The following CD83 variants were observed in gnomAD, a reference collection of about 807,000 sequenced individuals.
The protein encoded by CD83 is CD83 molecule.
Under a neutral mutation model 24.6 loss-of-function variants are expected in CD83, and 22 were observed. That is an observed-to-expected ratio of 0.90 (90% confidence interval 0.64 to 1.28). The LOEUF (loss-of-function observed/expected upper bound fraction) is 1.28. CD83 is among the 50% of genes most tolerant of loss of function. The pLI is 0.00. For missense variants in CD83, 253 were observed against 252.8 expected, an observed-to-expected ratio of 1.00 and a Z score of -0.01; for synonymous variants, 101 against 103.5, an observed-to-expected ratio of 0.98 and a Z score of 0.14.
Position 14,135,095 on chromosome 6 carries a change from C to A in CD83, c.490-13C>A. On this transcript the variant is annotated splice_polypyrimidine_tract_variant and intron_variant, in intron 4 of 4. Transcript: ENST00000379153. ...CCAATTATTCACTTCACATTTCTTT[C>A]ATTTCTTTTTAGAAGTTTGCACGGC... 6.2e-7 allele frequency: 1 copy of A among 1,613,146 alleles called. No homozygotes were observed. The highest frequency in any genetic ancestry group is 8.5e-7 in the Non-Finnish European group (1 of 1,179,558).
At chr6:14,132,577 T>C (rs962087658) in intron 3 of CD83, among the ~76,000 whole-genome samples, 3 of 152,174 alleles carry the variant, frequency 2.0e-5, no homozygotes, top group Admixed American at 1.3e-4. Flanking sequence ...ATCTCTAAAA[T>C]GGAAGTAACG....
At chr6:14,124,714 A>G (rs562441385) in intron 2 of CD83, among the ~76,000 whole-genome samples, 116 of 152,268 alleles carry the variant, frequency 7.6e-4, no homozygotes, top group Non-Finnish European at 1.2e-3. Context: ...AAGGAAATAT[A>G]TTGGCTTATA....
chr6:14,135,203 G>A lies in CD83; in HGVS notation c.585G>A (p.Gly195=). 1.2e-6 allele frequency: 2 copies of A among 1,614,102 alleles called. No homozygotes were observed. The highest frequency in any genetic ancestry group is 1.7e-6 in the Non-Finnish European group (2 of 1,179,980). Residue 195 remains glycine (G), a synonymous_variant, in exon 5 of 5, where the codon GGG becomes GGA. Coordinates refer to ENST00000379153, the MANE Select transcript of CD83 (RefSeq NM_004233.4). ...LPVTSPNKHL[G]LVTPHKTELV is the part of the protein sequence containing the mutation. ...TTACCTCCCCAAATAAGCATTTAGG[G>A]CTAGTGACTCCTCACAAGACAGAAC... is the stretch of plus-strand genomic sequence containing the variant.
In CD83 at chr6:14,129,230, G is replaced by A. The variant is rs142735263; in HGVS notation, c.154-2290G>A. On this transcript the variant is annotated intron_variant, in intron 2 of 4. Transcript: ENST00000379153. This position sits in a 1 kb window ranked among gnomAD's most constrained non-coding sequence, Gnocchi z 4.3. ...GAATGGGGACTGCAGGGACTGGGCC[G>A]AGCTAATTATTTCAAACTGGCCTTT... Among the ~76,000 whole-genome samples the A allele has an allele frequency of 2.0e-5, 3 of 152,194 alleles. No homozygotes were observed. The highest frequency in any genetic ancestry group is 1.9e-4 in the East Asian group (1 of 5,196).
intron 2 of CD83, among the ~76,000 whole-genome samples, chr6:14,126,706 C>T (rs1444801516): frequency 6.6e-6 from 1 of 152,146 alleles, no homozygotes; most frequent in Non-Finnish European, 1.5e-5. Context: ...CTGAGCCAAA[C>T]TATTTTGCAC....
Position 14,119,506 on chromosome 6 carries a change from A to G in CD83, c.153+1441A>G, listed in dbSNP as rs1348345654. Reference sequence around the variant, plus strand: ...GGACTTAGGGATTAGTACTGTTACTATTCCTACTTTACAGGTGAGGAAACT... The same window carrying G: ...GGACTTAGGGATTAGTACTGTTACTGTTCCTACTTTACAGGTGAGGAAACT... On this transcript the variant is annotated intron_variant, in intron 2 of 4. Coordinates refer to ENST00000379153, the MANE Select transcript of CD83 (RefSeq NM_004233.4). Among the ~76,000 whole-genome samples the G allele has an allele frequency of 3.3e-5, 5 of 152,336 alleles. No homozygotes were observed. The South Asian group carries it at 1.0e-3, about 32-fold the overall frequency.
At chr6:14,133,028 C>G (rs991389432) in intron 3 of CD83, among the ~76,000 whole-genome samples, 1 of 152,252 alleles carries the variant, frequency 6.6e-6, no homozygotes, top group Non-Finnish European at 1.5e-5. Context: ...AACCCTTTAA[C>G]AGCCCTGAGG....
At position 14,131,757 on chromosome 6, in the gene CD83, A is replaced by T; in HGVS notation, c.382+9A>T. 6.4e-7 allele frequency: 1 copy of T among 1,569,880 alleles called. No individual in the cohort carries two copies. The highest frequency in any genetic ancestry group is 8.8e-7 in the Non-Finnish European group (1 of 1,139,742). On this transcript the variant is annotated intron_variant, in intron 3 of 4. Coordinates refer to ENST00000379153, the MANE Select transcript of CD83 (RefSeq NM_004233.4). ...GATCTTGAGAGTGACAGGTGAGGTG[A>T]CCTGCTGCACTTGTTTTCTTCTTGA...
Position 14,123,100 on chromosome 6 carries a change from GT to G in CD83, c.153+5049del, listed in dbSNP as rs70993012. On this transcript the variant is annotated intron_variant, in intron 2 of 4. Coordinates refer to ENST00000379153, the MANE Select transcript of CD83 (RefSeq NM_004233.4). ...ATTTTTTGTTTGTTTGTTTGTTTTT[GT>G]TTTTTTTTTTTTTGAGACAGAGTTT... Among the ~76,000 whole-genome samples the G allele has an allele frequency of 5.7e-3, 806 of 141,744 alleles. 5 individuals carry two copies. Among genetic ancestry groups the G allele is most frequent in the African/African-American group, 0.013 (519 of 38,846 alleles). 93.0% of individuals were successfully genotyped at this position (141,744 alleles called of 152,430 possible).
rs1758054457 is a variant in CD83, at chr6:14,136,466, G to A, written c.*1230G>A. On this transcript the variant is annotated 3_prime_UTR_variant, in exon 5 of 5. Coordinates refer to ENST00000379153, the MANE Select transcript of CD83 (RefSeq NM_004233.4). ...ACACACGGGAGCCGCTGGCAGAAGG[G>A]ACTTCACGAAGTGTTGCATGGATGT... 6.6e-6 allele frequency: 1 copy of A among 152,218 alleles called. No individual in the cohort carries two copies. The highest frequency in any genetic ancestry group is 2.4e-5 in the African/African-American group (1 of 41,450). The allele number at this position is 152,218 out of a possible 1,614,324, so 9.4% of individuals were successfully genotyped here. A position where few individuals can be genotyped will look rare whatever the true frequency, so the allele number is the denominator to read the frequency against.
chr6:14,131,792 G>A (rs1212309210), intron 3 of CD83, 44 bp downstream of exon 3: 23 of 1,319,614 alleles, frequency 1.7e-5, no homozygotes, highest in Non-Finnish European at 2.1e-5. Flanking sequence ...AACAATGCAT[G>A]TGTACTTCCT....
chr6:14,117,969 G>T lies in CD83; in HGVS notation c.57G>T (p.Ala19=). 1 of 1,609,276 alleles carries T rather than the reference G, an allele frequency of 6.2e-7. No homozygotes were observed. Among genetic ancestry groups the T allele is most frequent in the African/African-American group, 1.3e-5 (1 of 74,832 alleles). The change falls in exon 2 of 5, where the codon GCG becomes GCT. Residue 19 remains alanine, a synonymous_variant. Transcript: ENST00000379153. The surrounding 1 kb of genome is among the most constrained non-coding windows in gnomAD (Gnocchi z 4.6). Reference sequence around the variant, plus strand: ...TTGTAGCCTACAGCCTGGCTCCCGCGACGCCGGAGGTGAAGGTGGCTTGCT... The same window carrying T: ...TTGTAGCCTACAGCCTGGCTCCCGCTACGCCGGAGGTGAAGGTGGCTTGCT... ...LLSCAYSLAP[A]TPEVKVACSE...
chr6:14,119,999 T>A (rs2113385358), intron 2 of CD83, among the ~76,000 whole-genome samples: 1 of 152,360 alleles, frequency 6.6e-6, no homozygotes, highest in East Asian at 1.9e-4. Flanking sequence ...GCTTGTTTAT[T>A]GGACAGAATT....
In CD83 at chr6:14,136,398, G is replaced by A. The variant is rs1028485729; in HGVS notation, c.*1162G>A. 6.6e-6 allele frequency: 1 copy of A among 152,160 alleles called. No individual in the cohort carries two copies. Among genetic ancestry groups the A allele is most frequent in the African/African-American group, 2.4e-5 (1 of 41,430 alleles). 9.4% of individuals were successfully genotyped at this position (152,160 alleles called of 1,614,324 possible). A position where few individuals can be genotyped will look rare whatever the true frequency, so the allele number is the denominator to read the frequency against. Reference sequence around the variant, plus strand: ...GGGGAAGTGAGGAAGCCAGGTCCACGGTCTGTTCTTGAAGCAGTAGCCTAA... The same window carrying A: ...GGGGAAGTGAGGAAGCCAGGTCCACAGTCTGTTCTTGAAGCAGTAGCCTAA... On this transcript the variant is annotated 3_prime_UTR_variant, in exon 5 of 5. Transcript: ENST00000379153.
upstream of CD83, chr6:14,117,641 G>A: frequency 5.3e-6 from 2 of 375,694 alleles, no homozygotes; most frequent in Non-Finnish European, 9.4e-6. This position sits in a 1 kb window ranked among gnomAD's most constrained non-coding sequence, Gnocchi z 4.6. Context: ...GGGGACGGGG[G>A]CGCCCCGGCC....
At chr6:14,118,610 C>T (rs1759599627) in intron 2 of CD83, among the ~76,000 whole-genome samples, 1 of 152,270 alleles carries the variant, frequency 6.6e-6, no homozygotes, top group South Asian at 2.1e-4. Context: ...GTGGGATACC[C>T]TTGGCTTCCT....
Position 14,131,669 on chromosome 6 carries a change from C to A in CD83, c.303C>A (p.Asn101Lys), listed in dbSNP as rs1308380489. ...SLKIRNTTSCNSGTYRCTLQD... is the reference protein window; with the variant it reads ...SLKIRNTTSCKSGTYRCTLQD... ...AGATCCGAAACACTACCAGCTGCAA[C>A]TCGGGGACATACAGGTGCACTCTGC... Residue 101 changes from asparagine (N) to lysine (K), a missense_variant, in exon 3 of 5, where the codon AAC (asparagine) becomes AAA (lysine). Coordinates refer to ENST00000379153, the MANE Select transcript of CD83 (RefSeq NM_004233.4). The A allele has an allele frequency of 3.1e-6, 5 of 1,614,084 alleles. No individual in the cohort carries two copies. The highest frequency in any genetic ancestry group is 4.2e-6 in the Non-Finnish European group (5 of 1,180,038).
At chr6:14,127,693 G>T (rs1383865029) in intron 2 of CD83, among the ~76,000 whole-genome samples, 1 of 152,166 alleles carries the variant, frequency 6.6e-6, no homozygotes, top group African/African-American at 2.4e-5. Flanking sequence ...TTGAGAGAAA[G>T]AATATGGTAT....
intron 3 of CD83, 53 bp downstream of exon 3, chr6:14,131,801 C>A: frequency 8.2e-7 from 1 of 1,215,238 alleles, no homozygotes. Context: ...TGTGTACTTC[C>A]TTTAGGTCCT....
Sources: allele counts gnomAD v4.1 joint callset (sites outside exome capture counted in the v4.1 genomes callset), GRCh38; gene constraint gnomAD v4.1.1; non-coding constraint Gnocchi (gnomAD v3.1); transcripts MANE v1.5; gene names NCBI Gene and HGNC (gene_info 2026-07-23, HGNC 2026-07-21).